The following NCKAP5 variants were observed in gnomAD, a reference collection of about 807,000 sequenced individuals.
NCKAP5 encodes the protein NCK associated protein 5.
A neutral mutation model predicts 167.0 loss-of-function variants in NCKAP5; 92 were observed. The ratio of observed to expected loss-of-function variants is 0.55; its 90% confidence interval spans 0.47 to 0.66. The LOEUF (loss-of-function observed/expected upper bound fraction) is 0.66, where lower values mean the gene tolerates loss of function less well. NCKAP5 is among the 30% of genes least tolerant of loss of function. NCKAP5 has a pLI of 0.00. For missense variants in NCKAP5, 2,378 were observed against 2,315.0 expected (o/e 1.03, Z -0.56); for synonymous variants, 891 against 877.4 (o/e 1.02, Z -0.27).
intron 11 of NCKAP5, among the ~76,000 whole-genome samples, chr2:132,803,899 C>T (rs541526113): frequency 6.6e-6 from 1 of 152,208 alleles, no homozygotes; most frequent in East Asian, 1.9e-4. Context: ...ATTCTTAAGG[C>T]AGAACATGCA....
intron 6 of NCKAP5, among the ~76,000 whole-genome samples, chr2:132,995,333 A>G (rs764063329): frequency 6.6e-6 from 1 of 152,228 alleles, no homozygotes; most frequent in Non-Finnish European, 1.5e-5. Context: ...TCCTTAGTAT[A>G]TAAGTTTTTA....
the NCKAP5 span, among the ~76,000 whole-genome samples, chr2:133,574,431 T>C: frequency 6.6e-6 from 1 of 152,148 alleles, no homozygotes; most frequent in Non-Finnish European, 1.5e-5. Flanking sequence ...GTGGCCCTGC[T>C]GCATTTGCCC....
the NCKAP5 span, among the ~76,000 whole-genome samples, chr2:133,614,357 C>T: frequency 0.014 from 2,121 of 152,030 alleles, 28 homozygotes; most frequent in Non-Finnish European, 0.022. Context: ...CTCCGAGCTA[C>T]GGGATGAAAT....
intron 11 of NCKAP5, among the ~76,000 whole-genome samples, chr2:132,856,037 G>A (rs950085644): frequency 3.9e-5 from 6 of 152,164 alleles, no homozygotes; most frequent in South Asian, 4.2e-4. Flanking sequence ...GGTGGCGGGC[G>A]CCTGTAGTCC....
intron 3 of NCKAP5, among the ~76,000 whole-genome samples, chr2:133,394,814 G>A (rs1257526739): frequency 6.6e-6 from 1 of 152,202 alleles, no homozygotes; most frequent in Non-Finnish European, 1.5e-5. Flanking sequence ...CTTAAAGACA[G>A]TTGCAGGAAG....
At chr2:132,940,134 T>C (rs1248266149) in intron 8 of NCKAP5, among the ~76,000 whole-genome samples, 1 of 152,206 alleles carries the variant, frequency 6.6e-6, no homozygotes, top group Non-Finnish European at 1.5e-5. Context: ...AGTGAGAATA[T>C]ATGATATTTG....
At chr2:132,833,919 G>A (rs1033646441) in intron 11 of NCKAP5, among the ~76,000 whole-genome samples, 1 of 152,054 alleles carries the variant, frequency 6.6e-6, no homozygotes, top group Non-Finnish European at 1.5e-5. Context: ...TTTTGATAGG[G>A]ATTGCATTGA....
the NCKAP5 span, among the ~76,000 whole-genome samples, chr2:133,655,455 C>G: frequency 1.1e-4 from 16 of 152,166 alleles, no homozygotes; most frequent in Non-Finnish European, 2.2e-4. Flanking sequence ...TTAGGAGAGA[C>G]TGAACTTTCC....
At chr2:133,570,162 C>G (rs978098), upstream of NCKAP5, among the ~76,000 whole-genome samples, 75,163 of 151,836 alleles carry the variant, frequency 0.5, 19,411 homozygotes, top group South Asian at 0.59. Context: ...ATATTGAACA[C>G]GAAAAAGAAC....
At chr2:132,830,606 T>A (rs1687453998) in intron 11 of NCKAP5, among the ~76,000 whole-genome samples, 1 of 152,150 alleles carries the variant, frequency 6.6e-6, no homozygotes, top group East Asian at 1.9e-4. Context: ...TCTTCCCATC[T>A]ATTGCATACT....
chr2:133,323,114 G>C (rs1474237282), intron 3 of NCKAP5, among the ~76,000 whole-genome samples: 3 of 152,130 alleles, frequency 2.0e-5, no homozygotes, highest in African/African-American at 7.2e-5. Flanking sequence ...GTTGGTTTGT[G>C]AACAAGTGTG....
At chr2:132,779,146 G>A (rs1239138526) in intron 15 of NCKAP5, among the ~76,000 whole-genome samples, 7 of 152,174 alleles carry the variant, frequency 4.6e-5, no homozygotes, top group Admixed American at 6.5e-5. Flanking sequence ...TAATTAGAGT[G>A]TTTCTTGCAG....
chr2:133,481,582 C>T (rs768013488), intron 3 of NCKAP5, among the ~76,000 whole-genome samples: 1 of 152,200 alleles, frequency 6.6e-6, no homozygotes, highest in African/African-American at 2.4e-5. Flanking sequence ...TCTCCCTCCT[C>T]CCATCCTCCA....
intron 3 of NCKAP5, among the ~76,000 whole-genome samples, chr2:133,432,225 T>G (rs550069474): frequency 5.9e-5 from 9 of 152,308 alleles, no homozygotes; most frequent in East Asian, 5.8e-4. Context: ...GCAACCAACT[T>G]AGCATCATTA....
chr2:132,714,022 A>G (rs991772164), intron 19 of NCKAP5, among the ~76,000 whole-genome samples: 4 of 152,224 alleles, frequency 2.6e-5, no homozygotes, highest in African/African-American at 9.7e-5. Context: ...TCTGGTTTCC[A>G]TGTAATTGAA....
At chr2:132,944,928 T>C (rs1697585426) in intron 8 of NCKAP5, among the ~76,000 whole-genome samples, 2 of 152,022 alleles carry the variant, frequency 1.3e-5, no homozygotes, top group African/African-American at 2.4e-5. Flanking sequence ...GCAGCAGAGA[T>C]GGGTTCAGGA....
chr2:132,762,535 A>T (rs1681093589), intron 16 of NCKAP5, among the ~76,000 whole-genome samples: 2 of 152,178 alleles, frequency 1.3e-5, no homozygotes, highest in African/African-American at 4.8e-5. Context: ...GGGTGGGGAA[A>T]GGGCAAAACT....
At chr2:133,578,592 G>T in the NCKAP5 span, among the ~76,000 whole-genome samples, 1 of 152,110 alleles carries the variant, frequency 6.6e-6, no homozygotes, top group African/African-American at 2.4e-5. Flanking sequence ...ACTCCAAGGG[G>T]CCATACTCAC....
chr2:133,430,780 C>T (rs1447686215), intron 3 of NCKAP5, among the ~76,000 whole-genome samples: 1 of 144,236 alleles, frequency 6.9e-6, no homozygotes, highest in East Asian at 2.1e-4. Flanking sequence ...GTTGTTGATA[C>T]ATGAATAAAA....
Sources: allele counts gnomAD v4.1 joint callset (sites outside exome capture counted in the v4.1 genomes callset), GRCh38; gene constraint gnomAD v4.1.1; transcripts MANE v1.5; gene names NCBI Gene and HGNC (gene_info 2026-07-23, HGNC 2026-07-21).